INSYN2B: variants seen among roughly 807,000 people sequenced by gnomAD.
INSYN2B encodes protein INSYN2B.
INSYN2B carries 16 observed loss-of-function variants against 41.2 expected under a neutral mutation model. That is an observed-to-expected ratio of 0.39 (90% CI 0.26 to 0.59). The LOEUF (loss-of-function observed/expected upper bound fraction) is 0.59. INSYN2B is among the 20% of genes least tolerant of loss of function. The probability of loss-of-function intolerance (pLI) is 0.57; values close to 1 mark genes in which losing one functional copy is unlikely to be tolerated. For synonymous variants in INSYN2B, 245 were observed against 244.4 expected (o/e 1.00, Z -0.02); for missense variants, 608 against 646.4 (o/e 0.94, Z 0.64).
At chr5:169,970,319 A>G (rs1409102577) in intron 1 of INSYN2B, among the ~76,000 whole-genome samples, 1 of 152,182 alleles carries the variant, frequency 6.6e-6, no homozygotes, top group Non-Finnish European at 1.5e-5. Context: ...CTGGATACCT[A>G]TTTGGTCAGA....
At chr5:169,903,480 G>T (rs1395190770) in intron 1 of INSYN2B, among the ~76,000 whole-genome samples, 4 of 151,112 alleles carry the variant, frequency 2.6e-5, no homozygotes, top group African/African-American at 9.7e-5. Flanking sequence ...CTCCTCAAGG[G>T]CAGGGTTGTC....
chr5:169,879,546 G>T (rs1205920421), intron 3 of INSYN2B, among the ~76,000 whole-genome samples: 1 of 152,194 alleles, frequency 6.6e-6, no homozygotes, highest in Non-Finnish European at 1.5e-5. Flanking sequence ...TACAATTGCT[G>T]TTCTTCTGGA....
At chr5:169,943,002 G>T (rs889334213) in intron 1 of INSYN2B, among the ~76,000 whole-genome samples, 1 of 152,204 alleles carries the variant, frequency 6.6e-6, no homozygotes, top group African/African-American at 2.4e-5. Flanking sequence ...CATGGTTGTT[G>T]ATATCAATAG....
chr5:169,891,068 A>G (rs1166294597), intron 1 of INSYN2B, among the ~76,000 whole-genome samples: 1 of 152,080 alleles, frequency 6.6e-6, no homozygotes, highest in Non-Finnish European at 1.5e-5. Context: ...GCCCCTGTCT[A>G]CCTTCCTTGT....
intron 1 of INSYN2B, among the ~76,000 whole-genome samples, chr5:169,891,276 CA>C (rs1219145346): frequency 6.6e-6 from 1 of 152,198 alleles, no homozygotes; most frequent in Non-Finnish European, 1.5e-5. Context: ...TCCCTCTGTG[CA>C]GCAAAACCCT....
chr5:169,972,856 G>A (rs1382859068), intron 1 of INSYN2B, among the ~76,000 whole-genome samples: 3 of 152,116 alleles, frequency 2.0e-5, no homozygotes, highest in South Asian at 2.1e-4. Context: ...TAAGCACTGC[G>A]GAATTGAGCA....
At chr5:169,978,068 C>A (rs776807129) in intron 1 of INSYN2B, among the ~76,000 whole-genome samples, 1 of 152,124 alleles carries the variant, frequency 6.6e-6, no homozygotes. Context: ...CCTTCATCTC[C>A]TCTCACTGGT....
chr5:169,902,838 G>A (rs760753479), intron 1 of INSYN2B, among the ~76,000 whole-genome samples: 13 of 152,128 alleles, frequency 8.5e-5, no homozygotes, highest in Admixed American at 1.3e-4. Context: ...GGTGGCTCAC[G>A]CCTGTAATCC....
intron 1 of INSYN2B, among the ~76,000 whole-genome samples, chr5:169,908,713 C>CTTTTTTTTTTTTTTTTTTTTTTTT (rs34261104): frequency 9.5e-6 from 1 of 105,074 alleles, no homozygotes; most frequent in Non-Finnish European, 1.9e-5. Flanking sequence ...TTTCTTTTTT[C>CTTTTTTTTTTTTTTTTTTTTTTTT]TTTTTTTTTT....
intron 3 of INSYN2B, among the ~76,000 whole-genome samples, chr5:169,876,509 A>G (rs1772342971): frequency 6.6e-6 from 1 of 152,200 alleles, no homozygotes; most frequent in Non-Finnish European, 1.5e-5. Flanking sequence ...TTCCCACTAC[A>G]GTCAGGACAG....
chr5:169,929,681 A>T (rs1263918636), intron 1 of INSYN2B, among the ~76,000 whole-genome samples: 2 of 150,880 alleles, frequency 1.3e-5, no homozygotes, highest in Non-Finnish European at 3.0e-5. Flanking sequence ...TATGGAGGTC[A>T]CAGTGAGCCA....
At position 169,861,844 on chromosome 5, in the gene INSYN2B, G is replaced by C. The variant is rs1304803495; in HGVS notation, c.*2429C>G. Among the ~76,000 whole-genome samples, 1 of 152,152 alleles carries C rather than the reference G, an allele frequency of 6.6e-6. No homozygotes were observed. Among genetic ancestry groups the C allele is most frequent in the African/African-American group, 2.4e-5 (1 of 41,434 alleles). The stretch of plus-strand genomic sequence containing the variant: ...TCAGGTCAGTGGCCCAAGCAATGCG[G>C]TGTTGTGCTTTGGTGTAGAATCAGT... On this transcript the variant is annotated 3_prime_UTR_variant, in exon 4 of 4. Coordinates refer to ENST00000377365, the MANE Select transcript of INSYN2B (RefSeq NM_001129891.3).
In INSYN2B at chr5:169,882,831, C is replaced by CTCCTGACACCTGCT; in HGVS notation, c.1067_1068insAGCAGGTGTCAGGA (p.Gln357AlafsTer83). 1 of 1,550,840 alleles carries CTCCTGACACCTGCT rather than the reference C, an allele frequency of 6.4e-7. No individual in the cohort carries two copies. The highest frequency in any genetic ancestry group is 8.7e-7 in the Non-Finnish European group (1 of 1,146,438). On this transcript the variant is annotated frameshift_variant, in exon 2 of 4. Transcript: ENST00000377365. LOFTEE classifies it high-confidence loss of function. ...ACTCGGTGGGGTTGTTTGCCGTCTG[C>CTCCTGACACCTGCT]TCCTGACACCCAGGGGCAGATTTCG... is the stretch of plus-strand genomic sequence containing the variant.
intron 1 of INSYN2B, among the ~76,000 whole-genome samples, chr5:169,901,201 G>A (rs576944450): frequency 1.4e-4 from 21 of 152,254 alleles, no homozygotes; most frequent in Non-Finnish European, 2.9e-4. Context: ...AAAAGAGGGT[G>A]TCCAGGCAAA....
intron 1 of INSYN2B, among the ~76,000 whole-genome samples, chr5:169,968,658 C>T (rs1561857241): frequency 1.3e-5 from 2 of 152,282 alleles, no homozygotes; most frequent in African/African-American, 2.4e-5. Context: ...ACTGAGTCTT[C>T]GAAATCTTCA....
chr5:169,882,975 A>C lies in INSYN2B; in HGVS notation c.924T>G (p.Thr308=). The change falls in exon 2 of 4, where the codon ACT becomes ACG. Residue 308 remains threonine (T), a synonymous_variant. Transcript: ENST00000377365. ...GGGAGCCTTGTGAGGGGGAACTGTG[A>C]GTCCGTGGAGATGAAGGAACACACG... is the stretch of plus-strand genomic sequence containing the variant. The part of the protein sequence containing the change: ...KETCVPSSPR[T]HSSPSQGSHS... 1 of 1,551,656 alleles carries C rather than the reference A, an allele frequency of 6.4e-7. No homozygotes were observed. The highest frequency in any genetic ancestry group is 8.7e-7 in the Non-Finnish European group (1 of 1,146,886).
intron 1 of INSYN2B, among the ~76,000 whole-genome samples, chr5:169,930,409 G>C (rs552540939): frequency 3.4e-4 from 52 of 152,212 alleles, no homozygotes; most frequent in Non-Finnish European, 6.9e-4. Flanking sequence ...AGGGACCTCA[G>C]AGCCTCTTAG....
intron 1 of INSYN2B, among the ~76,000 whole-genome samples, chr5:169,910,299 A>T (rs1337066555): frequency 6.6e-6 from 1 of 152,224 alleles, no homozygotes; most frequent in African/African-American, 2.4e-5. Flanking sequence ...ACCGCATGGA[A>T]TATGTAAGGA....
intron 1 of INSYN2B, among the ~76,000 whole-genome samples, chr5:169,942,058 A>G (rs953072307): frequency 6.6e-6 from 1 of 152,244 alleles, no homozygotes; most frequent in Admixed American, 6.5e-5. Flanking sequence ...AAACAGTTCG[A>G]CATGAGAAGG....
Sources: gnomAD v4.1 joint callset for allele counts (sites outside exome capture counted in the v4.1 genomes callset) on GRCh38, gnomAD v4.1.1 for gene constraint, MANE v1.5 for transcripts, NCBI Gene and HGNC (gene_info 2026-07-23, HGNC 2026-07-21) for gene names.